Variants in LTBP4 observed in about 807,000 individuals in gnomAD.
The protein encoded by LTBP4 is latent transforming growth factor beta binding protein 4, also known as latent-transforming growth factor beta-binding protein 4.
LTBP4 carries 93 observed loss-of-function variants against 180.2 expected under a neutral mutation model. That is an observed-to-expected ratio of 0.52 (90% CI 0.44 to 0.61). The LOEUF is 0.61. LTBP4 is among the 20% of genes least tolerant of loss of function. The pLI, the probability that LTBP4 is intolerant of heterozygous loss-of-function variation, is 0.00. For synonymous variants in LTBP4, 947 were observed against 934.5 expected (o/e 1.01, Z -0.24); for missense variants, 2,116 against 2,256.5 (o/e 0.94, Z 1.26).
Position 40,614,438 on chromosome 19 carries a change from C to T in LTBP4, c.2804C>T (p.Thr935Ile), listed in dbSNP as rs1272825959. ...DPGYHAGPEG[T>I]CDDVDECQEY... Reference sequence around the variant, plus strand: ...GGGTACCACGCGGGCCCCGAGGGCACCTGTGACGGTGAGCCTGCCCCCACC... The same window carrying T: ...GGGTACCACGCGGGCCCCGAGGGCATCTGTGACGGTGAGCCTGCCCCCACC... The change falls in exon 19 of 30, where the codon ACC (threonine) becomes ATC (isoleucine). Residue 935 changes from threonine to isoleucine, a missense_variant. Transcript: ENST00000396819. 1.3e-6 allele frequency: 2 copies of T among 1,598,746 alleles called. No homozygotes were observed. Among genetic ancestry groups the T allele is most frequent in the African/African-American group, 1.3e-5 (1 of 75,044 alleles).
Position 40,601,582 on chromosome 19 carries a change from C to T in LTBP4, c.195C>T (p.Ser65=). 1 of 1,448,746 alleles carries T rather than the reference C, an allele frequency of 6.9e-7. No individual in the cohort carries two copies. Among genetic ancestry groups the T allele is most frequent in the Non-Finnish European group, 9.0e-7 (1 of 1,107,906 alleles). 89.7% of individuals were successfully genotyped at this position (1,448,746 alleles called of 1,614,324 possible). The change falls in exon 1 of 30, where the codon AGC becomes AGT. Residue 65 remains serine (S), a synonymous_variant. Transcript: ENST00000396819. ...TPTCAPRNAT[S]VDSGAPGGAA... ...CCTGCGCGCCCCGCAACGCCACCAG[C>T]GTGGACAGCGGCGCTCCCGGCGGGG... is the stretch of plus-strand genomic sequence containing the variant.
At chr19:40,626,868 A>G in intron 27 of LTBP4, 107 bp from the exon 28 acceptor site, 37 of 1,375,502 alleles carry the variant, frequency 2.7e-5, no homozygotes, top group Non-Finnish European at 3.5e-5. Context: ...GGGGCCACCC[A>G]GGACCCTCCC....
intron 19 of LTBP4, 84 bp from the exon 20 acceptor site, chr19:40,616,805 T>G (rs1047468068): frequency 1.9e-5 from 29 of 1,492,278 alleles, no homozygotes; most frequent in Non-Finnish European, 2.5e-5. Context: ...GCTAAAGACT[T>G]CTTAGTCTTG....
chr19:40,599,110 C>T (rs2081406457), upstream of LTBP4: 4 of 1,177,378 alleles, frequency 3.4e-6, no homozygotes, highest in East Asian at 5.1e-5. Context: ...CCTCAGGATG[C>T]GTCTTGGTTT....
At position 40,614,041 on chromosome 19, in the gene LTBP4, G is replaced by T. The variant is rs377178353; in HGVS notation, c.2680+3G>T. 1.2e-5 allele frequency: 19 copies of T among 1,611,658 alleles called. No individual in the cohort carries two copies. In the African/African-American group the frequency reaches 2.4e-4, roughly 20 times the overall value. On this transcript the variant is annotated splice_donor_region_variant and intron_variant, in intron 18 of 29. Transcript: ENST00000396819. ...CCCGGACCTCGCCTCCTGCCTCGGT[G>T]AGAGGCCCCGCCCCGGCCTGATCCC...
chr19:40,622,976 G>A lies in LTBP4; in HGVS notation c.3511G>A (p.Gly1171Ser), dbSNP rs768920574. 1.8e-5 allele frequency: 29 copies of A among 1,612,956 alleles called. No individual in the cohort carries two copies. Among genetic ancestry groups the A allele is most frequent in the Admixed American group, 3.3e-5 (2 of 59,914 alleles). The stretch of plus-strand genomic sequence containing the variant: ...TGAGTACCAGTCATTGTGCCCTCAC[G>A]GCCGGGGCTACCTGGCGCCCAGTGG... ...TAEYQSLCPHGRGYLAPSGDL... is the reference protein window; with the variant it reads ...TAEYQSLCPHSRGYLAPSGDL... Residue 1171 changes from glycine (G) to serine (S), a missense_variant, in exon 24 of 30, where the codon GGC (glycine) becomes AGC (serine). Physicochemically the swap from Gly to Ser is moderately conservative, Grantham distance 56. Around this residue, in one of 5 missense-constraint regions of LTBP4, gnomAD observed 278 missense variants for 373.0 expected, o/e 0.75. Transcript: ENST00000396819. This position sits in a 1 kb window ranked among gnomAD's most constrained non-coding sequence, Gnocchi z 5.1.
chr19:40,608,628 T>C (rs1366342472), intron 9 of LTBP4, 25 bp downstream of exon 9: 1 of 1,562,946 alleles, frequency 6.4e-7, no homozygotes, highest in Non-Finnish European at 8.7e-7. Context: ...ACTGAGGGCA[T>C]TGGGCCTGCA....
At chr19:40,600,057 C>T (rs1467256949), upstream of LTBP4, 17 of 1,253,894 alleles carry the variant, frequency 1.4e-5, no homozygotes, top group East Asian at 5.3e-4. The surrounding 1 kb of genome is among the most constrained non-coding windows in gnomAD (Gnocchi z 4.4). Flanking sequence ...TTTCCGTCCT[C>T]TCCCACCCAG....
rs994008041 is a variant in LTBP4, at chr19:40,610,432, A to G, written c.1685-100A>G. On this transcript the variant is annotated intron_variant, in intron 11 of 29. Coordinates refer to ENST00000396819, the MANE Select transcript of LTBP4 (RefSeq NM_001042545.2). ...CGGGTCCCCATCCTGGCTCTGGCCC[A>G]AGCTTGGTCCCGCTCCCGCTTCCCT... The G allele has an allele frequency of 3.9e-4, 559 of 1,417,406 alleles. 2 individuals carry two copies. Among genetic ancestry groups the G allele is most frequent in the Non-Finnish European group, 4.8e-4 (510 of 1,056,956 alleles). The allele number at this position is 1,417,406 out of a possible 1,614,324, so 87.8% of individuals were successfully genotyped here.
At position 40,623,093 on chromosome 19, in the gene LTBP4, CCT is replaced by C. The variant is rs2081598140; in HGVS notation, c.3556+75_3556+76del. 5 of 1,188,304 alleles carry C rather than the reference CCT, an allele frequency of 4.2e-6. No homozygotes were observed. In the South Asian group the frequency reaches 6.1e-5, roughly 14 times the overall value. 73.6% of individuals were successfully genotyped at this position (1,188,304 alleles called of 1,614,324 possible). ...GCTTCGTCTCTTCCTGTTTTCTTTG[CCT>C]CTGTCTCTCACCCTTTCTGTTTCTC... On this transcript the variant is annotated intron_variant, in intron 24 of 29. Coordinates refer to ENST00000396819, the MANE Select transcript of LTBP4 (RefSeq NM_001042545.2).
intron 1 of LTBP4, among the ~76,000 whole-genome samples, chr19:40,602,085 G>T (rs1356825353): frequency 6.7e-6 from 1 of 150,192 alleles, no homozygotes; most frequent in Non-Finnish European, 1.5e-5. Context: ...GTGAGGTGGG[G>T]TACTAGAGAG....
At position 40,605,741 on chromosome 19, in the gene LTBP4, C is replaced by A. The variant is rs1032758396; in HGVS notation, c.703C>A (p.Leu235Met). 3.9e-6 allele frequency: 6 copies of A among 1,545,318 alleles called. No individual in the cohort carries two copies. Among genetic ancestry groups the A allele is most frequent in the Admixed American group, 2.0e-5 (1 of 50,952 alleles). ...CACTTCCCCGCAGTGCGCGTCCCCG[C>A]TGCCCGGGCTCCGGACGCAGGAGGT... ...ELRGGECASPLPGLRTQEVCC... is the reference protein window; with the variant it reads ...ELRGGECASPMPGLRTQEVCC... The change falls in exon 4 of 30, where the codon CTG becomes ATG. Residue 235 changes from leucine (L) to methionine (M), a missense_variant. Transcript: ENST00000396819. The surrounding 1 kb of genome is among the most constrained non-coding windows in gnomAD (Gnocchi z 5.5).
Position 40,613,060 on chromosome 19 carries a change from C to G in LTBP4, c.2300-5C>G. 1 of 1,611,700 alleles carries G rather than the reference C, an allele frequency of 6.2e-7. No homozygotes were observed. Among genetic ancestry groups the G allele is most frequent in the Non-Finnish European group, 8.5e-7 (1 of 1,178,904 alleles). On this transcript the variant is annotated splice_region_variant and splice_polypyrimidine_tract_variant and intron_variant, in intron 15 of 29. Transcript: ENST00000396819. This position sits in a 1 kb window ranked among gnomAD's most constrained non-coding sequence, Gnocchi z 5.0. ...ACCCTTTCTGAACACCCCCACCCCC[C>G]ACAGATGTGGACGAATGCAGTTCGG...
At chr19:40,615,682 C>T (rs1412184810) in intron 19 of LTBP4, among the ~76,000 whole-genome samples, 2 of 152,152 alleles carry the variant, frequency 1.3e-5, no homozygotes, top group Admixed American at 6.6e-5. Context: ...CGCTTGAACC[C>T]GGGAGGCGGA....
chr19:40,607,094 C>CA (rs2081468255), intron 6 of LTBP4, among the ~76,000 whole-genome samples: 1 of 152,154 alleles, frequency 6.6e-6, no homozygotes, highest in Admixed American at 6.5e-5. Flanking sequence ...CAAATCCTCT[C>CA]GTCCCCCTCA....
Position 40,622,001 on chromosome 19 carries a change from G to A in LTBP4, c.3218-400G>A, listed in dbSNP as rs906185482. ...TGACCTCAAGTAATCCAACCGCGTCGGCCTCCTGAAGTGCTGGGAGGACAG... is the reference window on the plus strand; with the variant it reads ...TGACCTCAAGTAATCCAACCGCGTCAGCCTCCTGAAGTGCTGGGAGGACAG... On this transcript the variant is annotated intron_variant, in intron 22 of 29. Coordinates refer to ENST00000396819, the MANE Select transcript of LTBP4 (RefSeq NM_001042545.2). The surrounding 1 kb of genome is among the most constrained non-coding windows in gnomAD (Gnocchi z 5.1). 2.0e-5 allele frequency among the ~76,000 whole-genome samples: 3 copies of A among 152,096 alleles called. No homozygotes were observed. The highest frequency in any genetic ancestry group is 7.2e-5 in the African/African-American group (3 of 41,412).
Position 40,609,613 on chromosome 19 carries a change from G to A in LTBP4, c.1510G>A (p.Ala504Thr), listed in dbSNP as rs555276300. 1.2e-6 allele frequency: 2 copies of A among 1,613,206 alleles called. No individual in the cohort carries two copies. Among genetic ancestry groups the A allele is most frequent in the African/African-American group, 2.7e-5 (2 of 74,908 alleles). Residue 504 changes from alanine (A) to threonine (T), a missense_variant, in exon 10 of 30, where the codon GCT becomes ACT. Ala to Thr is a moderately conservative substitution (Grantham distance 58, BLOSUM62 0). Coordinates refer to ENST00000396819, the MANE Select transcript of LTBP4 (RefSeq NM_001042545.2). The surrounding 1 kb of genome is among the most constrained non-coding windows in gnomAD (Gnocchi z 4.9). ...CISRPSGYTCACDSGFRLSPQ... is the reference protein window; with the variant it reads ...CISRPSGYTCTCDSGFRLSPQ... ...TTCCCGGCCCAGCGGCTACACCTGC[G>A]CTTGCGACTCTGGCTTCCGGCTCAG...
upstream of LTBP4, among the ~76,000 whole-genome samples, chr19:40,597,628 T>G (rs2081398078): frequency 6.6e-6 from 1 of 151,842 alleles, no homozygotes. Context: ...CTGGGGTTAG[T>G]TCGGGGAAAG....
Position 40,627,487 on chromosome 19 carries a change from G to C in LTBP4, c.4366+132G>C, listed in dbSNP as rs1599880527. 11 of 1,319,598 alleles carry C rather than the reference G, an allele frequency of 8.3e-6. No individual in the cohort carries two copies. In the East Asian group the frequency reaches 2.8e-4, roughly 33 times the overall value. 81.7% of individuals were successfully genotyped at this position (1,319,598 alleles called of 1,614,324 possible). Reference sequence around the variant, plus strand: ...CTGGAGAGAGCCACAGAAAGGGACAGAGAAGTGTCTATAGCCCGGCAAAGA... The same window carrying C: ...CTGGAGAGAGCCACAGAAAGGGACACAGAAGTGTCTATAGCCCGGCAAAGA... On this transcript the variant is annotated intron_variant, in intron 28 of 29. Transcript: ENST00000396819.
Sources: gnomAD v4.1 joint callset for allele counts (sites outside exome capture counted in the v4.1 genomes callset) on GRCh38, gnomAD v4.1.1 for gene constraint, gnomAD v4.1.1 regional missense constraint, Gnocchi (gnomAD v3.1) non-coding constraint, MANE v1.5 for transcripts, NCBI Gene and HGNC (gene_info 2026-07-23, HGNC 2026-07-21) for gene names.